ABCG1: variants seen among roughly 807,000 people sequenced by gnomAD.
ABCG1 encodes the protein ATP-binding cassette sub-family G member 1.
A neutral mutation model predicts 69.2 loss-of-function variants in ABCG1; 29 were observed. The ratio of observed to expected loss-of-function variants is 0.42; its 90% CI spans 0.31 to 0.57. The LOEUF is 0.57. ABCG1 is among the 20% of genes least tolerant of loss of function. The probability of loss-of-function intolerance (pLI) is 0.15; values close to 1 mark genes in which losing one functional copy is unlikely to be tolerated. For synonymous variants in ABCG1, 370 were observed against 374.8 expected, an observed-to-expected ratio of 0.99 and a Z score of 0.15; for missense variants, 718 against 898.1, an observed-to-expected ratio of 0.80 and a Z score of 2.56.
chr21:42,296,764 G>T lies in ABCG1; in HGVS notation c.*372G>T. 3.7e-6 allele frequency: 1 copy of T among 272,460 alleles called. No homozygotes were observed. Among genetic ancestry groups the T allele is most frequent in the Non-Finnish European group, 7.1e-6 (1 of 140,322 alleles). The allele number at this position is 272,460 out of a possible 1,614,324, so 16.9% of individuals were successfully genotyped here. On this transcript the variant is annotated 3_prime_UTR_variant, in exon 15 of 15. Coordinates refer to ENST00000398449, the MANE Select transcript of ABCG1 (RefSeq NM_016818.3). This position sits in a 1 kb window ranked among gnomAD's most constrained non-coding sequence, Gnocchi z 5.4. Reference sequence around the variant, plus strand: ...CACCGTGGGTCCTGGATGGGGAACTGCAAGCAGCCTCTCAGCTGATGGCTG... The same window carrying T: ...CACCGTGGGTCCTGGATGGGGAACTTCAAGCAGCCTCTCAGCTGATGGCTG...
Position 42,290,178 on chromosome 21 carries a change from G to C in ABCG1, c.1353G>C (p.Leu451=). ...CCGGCTTCCTCTTCTTCTCCATGCTGTTCCTCATGTTCGCGGCCCTCATGC... is the reference window on the plus strand; with the variant it reads ...CCGGCTTCCTCTTCTTCTCCATGCTCTTCCTCATGTTCGCGGCCCTCATGC... The part of the protein sequence containing the change: ...SNSGFLFFSM[L]FLMFAALMPT... Residue 451 remains leucine (L), a synonymous_variant, in exon 11 of 15, where the codon CTG becomes CTC. Coordinates refer to ENST00000398449, the MANE Select transcript of ABCG1 (RefSeq NM_016818.3). 1.2e-6 allele frequency: 2 copies of C among 1,614,122 alleles called. No individual in the cohort carries two copies. The highest frequency in any genetic ancestry group is 1.7e-6 in the Non-Finnish European group (2 of 1,180,032).
chr21:42,223,190 T>A (rs2067758447), intron 1 of ABCG1, among the ~76,000 whole-genome samples: 1 of 152,186 alleles, frequency 6.6e-6, no homozygotes, highest in Non-Finnish European at 1.5e-5. Flanking sequence ...TTCTTACAGG[T>A]CTCTGAACGC....
At chr21:42,204,443 T>C (rs1012164400) in intron 2 of ABCG1, among the ~76,000 whole-genome samples, 1 of 152,212 alleles carries the variant, frequency 6.6e-6, no homozygotes, top group Admixed American at 6.5e-5. Context: ...GTTTTAACCA[T>C]GAATGGGTAA....
At chr21:42,290,902 A>G (rs1383257016) in intron 11 of ABCG1, among the ~76,000 whole-genome samples, 190 bp from the exon 12 acceptor site, 1 of 151,884 alleles carries the variant, frequency 6.6e-6, no homozygotes, top group East Asian at 1.9e-4. Context: ...CCACTCAATG[A>G]CTCTTCAGGT....
chr21:42,217,686 T>C (rs2067656411), upstream of ABCG1, among the ~76,000 whole-genome samples: 1 of 95,852 alleles, frequency 1.0e-5, no homozygotes, highest in Non-Finnish European at 2.3e-5. Context: ...ACTCTTTTTT[T>C]TTTTTTTTTT....
upstream of ABCG1, among the ~76,000 whole-genome samples, chr21:42,218,005 A>G (rs2067661424): frequency 6.6e-6 from 1 of 152,140 alleles, no homozygotes; most frequent in African/African-American, 2.4e-5. Flanking sequence ...AGACAAAGGC[A>G]AGGCCTCCCA....
chr21:42,219,735 G>C lies in ABCG1; in HGVS notation c.42+431G>C. ...GCCCCGCGCGCGCGGCTGTGGGCTT[G>C]GGGACCGGGGACTTCTCGCGCCATC... is the stretch of plus-strand genomic sequence containing the variant. On this transcript the variant is annotated intron_variant, in intron 1 of 14. Transcript: ENST00000398449. This position sits in a 1 kb window ranked among gnomAD's most constrained non-coding sequence, Gnocchi z 5.3. The C allele has an allele frequency of 8.1e-7, 1 of 1,241,652 alleles. No homozygotes were observed. The highest frequency in any genetic ancestry group is 1.1e-6 in the Non-Finnish European group (1 of 935,764). The allele number at this position is 1,241,652 out of a possible 1,614,324, so 76.9% of individuals were successfully genotyped here.
At chr21:42,269,493 G>C (rs116551676) in intron 2 of ABCG1, among the ~76,000 whole-genome samples, 1 of 152,174 alleles carries the variant, frequency 6.6e-6, no homozygotes, top group Non-Finnish European at 1.5e-5. Context: ...CCTATTGTAC[G>C]AGCTGGTTCA....
chr21:42,213,506 C>T (rs899067686), upstream of ABCG1, among the ~76,000 whole-genome samples: 4 of 152,244 alleles, frequency 2.6e-5, no homozygotes, highest in African/African-American at 7.2e-5. Flanking sequence ...CAGGACAATG[C>T]CCAGTGGAGG....
intron 2 of ABCG1, among the ~76,000 whole-genome samples, chr21:42,243,479 TGTGTGTGTGTGC>T (rs1407110063): frequency 1.7e-4 from 26 of 150,586 alleles, no homozygotes; most frequent in African/African-American, 5.9e-4. Context: ...TGTGTGTGTG[TGTGTGTGTGTGC>T]GCTGGTTTAT....
At position 42,297,070 on chromosome 21, in the gene ABCG1, T is replaced by C. The variant is rs1421814587; in HGVS notation, c.*678T>C. ...ATACATAGACAGCACTTGTGAAGGA[T>C]TGAATGCAGGTTCCAGGTGGAGGGA... On this transcript the variant is annotated 3_prime_UTR_variant, in exon 15 of 15. Transcript: ENST00000398449. The C allele has an allele frequency of 6.5e-6, 1 of 152,842 alleles. No individual in the cohort carries two copies. Among genetic ancestry groups the C allele is most frequent in the East Asian group, 1.9e-4 (1 of 5,186 alleles). 9.5% of individuals were successfully genotyped at this position (152,842 alleles called of 1,614,324 possible). A position where few individuals can be genotyped will look rare whatever the true frequency, so the allele number is the denominator to read the frequency against.
chr21:42,245,390 G>T lies in ABCG1; in HGVS notation c.286+19476G>T, dbSNP rs150984272. On this transcript the variant is annotated intron_variant, in intron 2 of 14. Transcript: ENST00000398449. ...TGCATTCTTCTCCAATTGGTTTTAG[G>T]CATTCAGTCCAGATACAAGGATTAT... Among the ~76,000 whole-genome samples, 719 of 152,304 alleles carry T rather than the reference G, an allele frequency of 4.7e-3. 7 individuals carry two copies. The highest frequency in any genetic ancestry group is 0.017 in the African/African-American group (686 of 41,550).
intron 4 of ABCG1, among the ~76,000 whole-genome samples, chr21:42,275,654 G>T (rs2068696697): frequency 1.3e-5 from 2 of 152,170 alleles, no homozygotes. Context: ...TGCGACTAGG[G>T]ACTCCTGCTG....
Position 42,244,495 on chromosome 21 carries a change from C to G in ABCG1, c.286+18581C>G, listed in dbSNP as rs554954038. 4.5e-4 allele frequency among the ~76,000 whole-genome samples: 68 copies of G among 152,292 alleles called. 1 individual carries two copies. The highest frequency in any genetic ancestry group is 1.6e-3 in the African/African-American group (67 of 41,522). On this transcript the variant is annotated intron_variant, in intron 2 of 14. Transcript: ENST00000398449. ...TGATAAAGCTAAAAGACTTCAAAAG[C>G]TTCTCTTCTGCACTGCATTTCCTAA...
In ABCG1 at chr21:42,287,912, T is replaced by C. The variant is rs769136599; in HGVS notation, c.997T>C (p.Tyr333His). 1.2e-5 allele frequency: 19 copies of C among 1,600,860 alleles called. No homozygotes were observed. The Admixed American group carries it at 2.9e-4, about 24-fold the overall frequency. ...AGTCATGGAGGTTGCATCCGGCGAG[T>C]ACGGTGATCAGAACAGTCGGCTGGT... Reference protein sequence around the residue: ...DFVMEVASGEYGDQNSRLVRA... With the variant: ...DFVMEVASGEHGDQNSRLVRA... Residue 333 changes from tyrosine to histidine, a missense_variant, in exon 9 of 15, where the codon TAC becomes CAC. Around this residue, in one of 2 missense-constraint regions of ABCG1, gnomAD observed 514 missense variants for 574.3 expected, o/e 0.90. Coordinates refer to ENST00000398449, the MANE Select transcript of ABCG1 (RefSeq NM_016818.3). This position sits in a 1 kb window ranked among gnomAD's most constrained non-coding sequence, Gnocchi z 6.2.
At chr21:42,230,741 T>A (rs572030342) in intron 2 of ABCG1, among the ~76,000 whole-genome samples, 1 of 152,282 alleles carries the variant, frequency 6.6e-6, no homozygotes, top group East Asian at 1.9e-4. Flanking sequence ...ACACTGCCCA[T>A]CCCCCAGGAG....
chr21:42,257,920 C>A (rs1460860535), intron 2 of ABCG1, among the ~76,000 whole-genome samples: 1 of 151,444 alleles, frequency 6.6e-6, no homozygotes, highest in Non-Finnish European at 1.5e-5. Context: ...TCCATCCTTC[C>A]TCCCATTTTC....
At position 42,296,543 on chromosome 21, in the gene ABCG1, C is replaced by A. The variant is rs148149433; in HGVS notation, c.*151C>A. Reference sequence around the variant, plus strand: ...GTTGGGTTTGTGGGTGTCTCGTGCTCAGCCACTCTGCCCAGCTGGGTTGGA... The same window carrying A: ...GTTGGGTTTGTGGGTGTCTCGTGCTAAGCCACTCTGCCCAGCTGGGTTGGA... On this transcript the variant is annotated 3_prime_UTR_variant, in exon 15 of 15. Coordinates refer to ENST00000398449, the MANE Select transcript of ABCG1 (RefSeq NM_016818.3). This position sits in a 1 kb window ranked among gnomAD's most constrained non-coding sequence, Gnocchi z 5.4. 12 of 668,786 alleles carry A rather than the reference C, an allele frequency of 1.8e-5. No individual in the cohort carries two copies. The East Asian group carries it at 3.3e-4, about 18-fold the overall frequency. 41.4% of individuals were successfully genotyped at this position (668,786 alleles called of 1,614,324 possible).
Position 42,248,273 on chromosome 21 carries a change from A to G in ABCG1, c.286+22359A>G, listed in dbSNP as rs2068162981. Reference sequence around the variant, plus strand: ...AAGATAGTAGTTGCTGAGGGGCCTCATTAGAGGATTGGTGTGAGAGTGGAG... The same window carrying G: ...AAGATAGTAGTTGCTGAGGGGCCTCGTTAGAGGATTGGTGTGAGAGTGGAG... On this transcript the variant is annotated intron_variant, in intron 2 of 14. Coordinates refer to ENST00000398449, the MANE Select transcript of ABCG1 (RefSeq NM_016818.3). Among the ~76,000 whole-genome samples the G allele has an allele frequency of 2.0e-5, 3 of 152,324 alleles. No individual in the cohort carries two copies. The South Asian group carries it at 6.2e-4, about 32-fold the overall frequency.
Sources: allele counts gnomAD v4.1 joint callset (sites outside exome capture counted in the v4.1 genomes callset), GRCh38; gene constraint gnomAD v4.1.1; regional missense constraint gnomAD v4.1.1; non-coding constraint Gnocchi (gnomAD v3.1); transcripts MANE v1.5; gene names NCBI Gene and HGNC (gene_info 2026-07-23, HGNC 2026-07-21).